Variants in RIMKLB observed in about 807,000 individuals in gnomAD.
RIMKLB encodes beta-citrylglutamate synthase B.
RIMKLB carries 7 observed loss-of-function variants against 32.0 expected under a neutral mutation model. The observed-to-expected ratio is 0.22, with a 90% CI of 0.12 to 0.41. The LOEUF (loss-of-function observed/expected upper bound fraction) is 0.41, where lower values mean the gene tolerates loss of function less well. RIMKLB is among the 10% of genes least tolerant of loss of function. RIMKLB has a pLI of 1.00. For synonymous variants in RIMKLB, 172 were observed against 185.1 expected (o/e 0.93, Z 0.57); for missense variants, 289 against 498.7 (o/e 0.58, Z 4.00).
At chr12:8,751,435 TTAACCCAGGATGCTTAGTTACCCTAGTG>T (rs1325799582) in intron 3 of RIMKLB, among the ~76,000 whole-genome samples, 6 of 152,200 alleles carry the variant, frequency 3.9e-5, no homozygotes, top group African/African-American at 1.4e-4. Context: ...GAAAGGAGAC[TTAACCCAGGATGCTTAGTTACCCTAGTG>T]TAGAAAGAAC....
intron 1 of RIMKLB, among the ~76,000 whole-genome samples, chr12:8,682,687 G>A (rs986527111): frequency 1.3e-5 from 2 of 151,620 alleles, no homozygotes; most frequent in South Asian, 4.2e-4. Flanking sequence ...CAGGAGAACG[G>A]CGTGAACCCG....
chr12:8,711,522 C>CTT (rs11318157), intron 1 of RIMKLB, among the ~76,000 whole-genome samples: 1 of 148,032 alleles, frequency 6.8e-6, no homozygotes, highest in African/African-American at 2.5e-5. Flanking sequence ...TGATTACAAA[C>CTT]TTTTTTTTTT....
At chr12:8,678,178 A>AT (rs1203151742), upstream of RIMKLB, among the ~76,000 whole-genome samples, 2 of 147,870 alleles carry the variant, frequency 1.4e-5, no homozygotes, top group African/African-American at 2.5e-5. Context: ...TTAATTAAAA[A>AT]TTTTTTTTTA....
upstream of RIMKLB, among the ~76,000 whole-genome samples, chr12:8,694,394 T>C (rs890475849): frequency 2.9e-5 from 4 of 138,702 alleles, no homozygotes; most frequent in African/African-American, 1.1e-4. Flanking sequence ...TGAATTTTTT[T>C]TCTTTTTTTT....
At chr12:8,742,465 A>T (rs2137535193) in intron 2 of RIMKLB, 1 of 403,814 alleles carries the variant, frequency 2.5e-6, no homozygotes, top group Middle Eastern at 7.1e-4. Context: ...GAGCACATGG[A>T]GGAGGAGGAT....
At chr12:8,737,518 T>A (rs951882637) in intron 2 of RIMKLB, among the ~76,000 whole-genome samples, 8 of 152,192 alleles carry the variant, frequency 5.3e-5, no homozygotes, top group Admixed American at 1.3e-4. Flanking sequence ...TGTTTTTCTT[T>A]ATTAATAATA....
chr12:8,758,396 C>T (rs989479038), intron 5 of RIMKLB, among the ~76,000 whole-genome samples: 1 of 152,080 alleles, frequency 6.6e-6, no homozygotes, highest in Non-Finnish European at 1.5e-5. Context: ...CCAGTGATTA[C>T]AGGTTTGAGC....
intron 2 of RIMKLB, among the ~76,000 whole-genome samples, chr12:8,733,860 C>G (rs965227376): frequency 6.6e-6 from 1 of 152,174 alleles, no homozygotes; most frequent in Non-Finnish European, 1.5e-5. Context: ...GCCTGGGTGA[C>G]ACAGTGAGAC....
chr12:8,774,986 C>A lies in RIMKLB; in HGVS notation c.*1202C>A, dbSNP rs148153196. The stretch of plus-strand genomic sequence containing the variant: ...GCATGATGGGAAACAGAGTTTTTGA[C>A]TTTAAAAAACAGATGAGTTGTTTTC... On this transcript the variant is annotated 3_prime_UTR_variant, in exon 6 of 6. Transcript: ENST00000535829. 1 of 985,538 alleles carries A rather than the reference C, an allele frequency of 1.0e-6. No individual in the cohort carries two copies. The highest frequency in any genetic ancestry group is 1.2e-6 in the Non-Finnish European group (1 of 829,724). 61.0% of individuals were successfully genotyped at this position (985,538 alleles called of 1,614,324 possible).
chr12:8,671,676 G>C, the RIMKLB span, among the ~76,000 whole-genome samples: 1 of 152,124 alleles, frequency 6.6e-6, no homozygotes, highest in African/African-American at 2.4e-5. Context: ...ACTTTGGGAG[G>C]CCCAGGTGGG....
upstream of RIMKLB, among the ~76,000 whole-genome samples, chr12:8,680,007 CA>C (rs1399804892): frequency 1.3e-5 from 2 of 152,130 alleles, no homozygotes; most frequent in African/African-American, 4.8e-5. Flanking sequence ...AGAAGCCAGC[CA>C]AAACCTACCA....
intron 1 of RIMKLB, among the ~76,000 whole-genome samples, chr12:8,692,122 A>T (rs1358787751): frequency 6.6e-6 from 1 of 151,168 alleles, no homozygotes; most frequent in African/African-American, 2.4e-5. Context: ...CCAGGTTGTT[A>T]TACTTCTAAG....
intron 2 of RIMKLB, among the ~76,000 whole-genome samples, chr12:8,722,149 T>C (rs1317481556): frequency 3.9e-5 from 6 of 151,918 alleles, no homozygotes; most frequent in African/African-American, 1.5e-4. Flanking sequence ...TATAGCCTTA[T>C]GAAATGTATG....
chr12:8,743,207 A>G (rs1468935698), intron 2 of RIMKLB: 1 of 151,566 alleles, frequency 6.6e-6, no homozygotes, highest in Non-Finnish European at 1.5e-5. Flanking sequence ...TACAAAAATT[A>G]TCCGGGTGTG....
rs192006302 is a variant in RIMKLB at position 8,712,195 on chromosome 12, G to A, written c.-56-1616G>A. Among the ~76,000 whole-genome samples, 8 of 152,070 alleles carry A rather than the reference G, an allele frequency of 5.3e-5. No individual in the cohort carries two copies. The East Asian group carries it at 7.8e-4, about 15-fold the overall frequency. ...ATCTTCTTTTTTGTGCGCGTGAGAC[G>A]GAATTTCTCTCTTGTTGCCCAGGCT... On this transcript the variant is annotated intron_variant, in intron 1 of 5. Transcript: ENST00000535829.
downstream of RIMKLB, among the ~76,000 whole-genome samples, chr12:8,781,444 G>C (rs1485356262): frequency 6.6e-6 from 1 of 152,192 alleles, no homozygotes; most frequent in Non-Finnish European, 1.5e-5. Flanking sequence ...AGGGTGGCGT[G>C]ATCTCTTCCA....
chr12:8,760,152 TTC>T (rs1268452371), intron 5 of RIMKLB, among the ~76,000 whole-genome samples: 3 of 152,070 alleles, frequency 2.0e-5, no homozygotes, highest in African/African-American at 7.2e-5. Flanking sequence ...TGTCCAAGTG[TTC>T]TCATTGTTCA....
chr12:8,770,618 C>G (rs17200597), intron 5 of RIMKLB, among the ~76,000 whole-genome samples: 10,252 of 152,046 alleles, frequency 0.067, 541 homozygotes, highest in South Asian at 0.23. Context: ...TCATAGATAC[C>G]CTCACATATT....
At position 8,774,291 on chromosome 12, in the gene RIMKLB, T is replaced by A; in HGVS notation, c.*507T>A. The stretch of plus-strand genomic sequence containing the variant: ...TAACTAGCAGCTTTAGTTTGTAGTT[T>A]ATGAAATCTTGAGGGGCTCTTTTAC... On this transcript the variant is annotated 3_prime_UTR_variant, in exon 6 of 6. Coordinates refer to ENST00000535829, the MANE Select transcript of RIMKLB (RefSeq NM_001297776.2). 1.0e-6 allele frequency: 1 copy of A among 984,760 alleles called. No individual in the cohort carries two copies. 61.0% of individuals were successfully genotyped at this position (984,760 alleles called of 1,614,324 possible).
Sources: gnomAD v4.1 joint callset for allele counts (sites outside exome capture counted in the v4.1 genomes callset) on GRCh38, gnomAD v4.1.1 for gene constraint, MANE v1.5 for transcripts, NCBI Gene and HGNC (gene_info 2026-07-23, HGNC 2026-07-21) for gene names.